Variants in FHIT observed in about 807,000 individuals in gnomAD.
The protein encoded by FHIT is fragile histidine triad diadenosine triphosphatase, also known as bis(5'-adenosyl)-triphosphatase.
FHIT carries 19 observed loss-of-function variants against 17.9 expected under a neutral mutation model. The ratio of observed to expected loss-of-function variants is 1.06; its 90% CI spans 0.74 to 1.56. FHIT has a LOEUF of 1.56. FHIT is among the 40% of genes most tolerant of loss of function. The pLI is 0.00. For synonymous variants in FHIT, 81 were observed against 69.7 expected (o/e 1.16, Z -0.81); for missense variants, 248 against 189.2 (o/e 1.31, Z -1.82).
intron 3 of FHIT, among the ~76,000 whole-genome samples, chr3:60,922,949 A>C (rs567891283): frequency 2.6e-5 from 4 of 152,240 alleles, no homozygotes; most frequent in Non-Finnish European, 5.9e-5. Context: ...TTTGAATAAC[A>C]CTTGATCATT....
intron 3 of FHIT, among the ~76,000 whole-genome samples, chr3:60,986,610 C>T (rs954022282): frequency 3.3e-5 from 5 of 152,160 alleles, no homozygotes; most frequent in Admixed American, 6.5e-5. Flanking sequence ...TGACAACTAT[C>T]GCCATTTTGA....
intron 3 of FHIT, among the ~76,000 whole-genome samples, chr3:61,006,718 T>C (rs2031476269): frequency 6.6e-6 from 1 of 152,040 alleles, no homozygotes; most frequent in South Asian, 2.1e-4. Context: ...AACCCTTAAG[T>C]TTGCTGAATT....
chr3:60,293,535 G>T (rs1708078871), intron 5 of FHIT, among the ~76,000 whole-genome samples: 1 of 152,100 alleles, frequency 6.6e-6, no homozygotes, highest in Non-Finnish European at 1.5e-5. Flanking sequence ...AGGAGGTCAG[G>T]TACAGATCTG....
chr3:61,069,270 T>TGGTA (rs2034719621), intron 2 of FHIT, among the ~76,000 whole-genome samples: 1 of 151,976 alleles, frequency 6.6e-6, no homozygotes, highest in Non-Finnish European at 1.5e-5. Context: ...AGGGGAAAGG[T>TGGTA]GGTAACTCAA....
chr3:61,067,372 ATC>A (rs2034647061), intron 2 of FHIT, among the ~76,000 whole-genome samples: 1 of 152,192 alleles, frequency 6.6e-6, no homozygotes, highest in Non-Finnish European at 1.5e-5. Context: ...ATAGGAAAGA[ATC>A]CAGGAGAAAA....
chr3:61,060,234 G>A (rs2034378856), intron 2 of FHIT, among the ~76,000 whole-genome samples: 1 of 152,194 alleles, frequency 6.6e-6, no homozygotes, highest in African/African-American at 2.4e-5. Flanking sequence ...TGATGGTATA[G>A]TTGTGACCAG....
chr3:60,378,535 C>G (rs1700670036), intron 5 of FHIT, among the ~76,000 whole-genome samples: 1 of 152,024 alleles, frequency 6.6e-6, no homozygotes, highest in Admixed American at 6.5e-5. Flanking sequence ...ATACCAATTC[C>G]TTGGTATTTC....
intron 4 of FHIT, among the ~76,000 whole-genome samples, chr3:60,818,316 A>C (rs146404828): frequency 2.6e-4 from 40 of 152,234 alleles, no homozygotes; most frequent in African/African-American, 9.4e-4. Flanking sequence ...GGGTTGTATG[A>C]TATGCAAGTA....
intron 5 of FHIT, among the ~76,000 whole-genome samples, chr3:60,211,180 G>A (rs758143961): frequency 6.6e-5 from 10 of 151,020 alleles, no homozygotes; most frequent in African/African-American, 1.2e-4. Flanking sequence ...ACGAAAGAAA[G>A]TTGAAGAAAA....
At chr3:60,496,208 A>C (rs1445149434) in intron 5 of FHIT, among the ~76,000 whole-genome samples, 1 of 152,108 alleles carries the variant, frequency 6.6e-6, no homozygotes, top group African/African-American at 2.4e-5. Context: ...ACATATGGAA[A>C]CCCACTAAGA....
At chr3:60,770,340 G>A (rs782083445) in intron 4 of FHIT, among the ~76,000 whole-genome samples, 12 of 151,714 alleles carry the variant, frequency 7.9e-5, no homozygotes, top group African/African-American at 1.2e-4. Context: ...TTTGTCTCGC[G>A]TGGCTGCCCA....
chr3:59,819,499 T>C (rs79538481), intron 8 of FHIT, among the ~76,000 whole-genome samples: 5,241 of 152,276 alleles, frequency 0.034, 299 homozygotes, highest in African/African-American at 0.12. Flanking sequence ...ATTATTTGTA[T>C]AGGAAAAATG....
chr3:59,944,738 TAA>T (rs2107281217), intron 7 of FHIT, among the ~76,000 whole-genome samples: 1 of 152,290 alleles, frequency 6.6e-6, no homozygotes, highest in African/African-American at 2.4e-5. Flanking sequence ...CCAAGTGTAC[TAA>T]ATGATTAGCT....
intron 5 of FHIT, among the ~76,000 whole-genome samples, chr3:60,134,793 T>C (rs1351142525): frequency 6.6e-6 from 1 of 152,106 alleles, no homozygotes; most frequent in Non-Finnish European, 1.5e-5. Context: ...CTTGATACAA[T>C]TAGTTGAGGT....
chr3:59,934,000 G>C (rs1336695325), intron 7 of FHIT, among the ~76,000 whole-genome samples: 1 of 152,034 alleles, frequency 6.6e-6, no homozygotes, highest in Non-Finnish European at 1.5e-5. Flanking sequence ...GACTAAAACA[G>C]GGCCCCTCAA....
intron 4 of FHIT, among the ~76,000 whole-genome samples, chr3:60,773,765 A>G (rs1700124845): frequency 6.6e-6 from 1 of 152,264 alleles, no homozygotes; most frequent in Non-Finnish European, 1.5e-5. Flanking sequence ...ACAGTTTCCC[A>G]GACTATATAG....
chr3:60,896,000 G>T (rs1006542821), intron 3 of FHIT, among the ~76,000 whole-genome samples: 2 of 151,934 alleles, frequency 1.3e-5, no homozygotes, highest in Non-Finnish European at 1.5e-5. Context: ...ACACTAGGAG[G>T]TGAGCAGCGG....
chr3:60,040,724 G>A (rs1263531070), intron 5 of FHIT, among the ~76,000 whole-genome samples: 4 of 152,124 alleles, frequency 2.6e-5, no homozygotes, highest in South Asian at 2.1e-4. Context: ...GTTGGACCAT[G>A]TAAGAACTAG....
At chr3:60,821,057 C>A (rs991177292) in intron 4 of FHIT, among the ~76,000 whole-genome samples, 2 of 151,928 alleles carry the variant, frequency 1.3e-5, no homozygotes, top group Non-Finnish European at 2.9e-5. Flanking sequence ...CTCACTGCAA[C>A]CTCCACCTCC....
Sources: allele counts gnomAD v4.1 joint callset (sites outside exome capture counted in the v4.1 genomes callset), GRCh38; gene constraint gnomAD v4.1.1; transcripts MANE v1.5; gene names NCBI Gene and HGNC (gene_info 2026-07-23, HGNC 2026-07-21).